ELP2: variants seen among roughly 807,000 people sequenced by gnomAD.
ELP2 encodes the protein elongator acetyltransferase complex subunit 2.
ELP2 carries 90 observed loss-of-function variants against 119.2 expected under a neutral mutation model. The observed-to-expected ratio is 0.75, with a 90% CI of 0.64 to 0.90. ELP2 has a LOEUF of 0.90. ELP2 is among the 40% of genes least tolerant of loss of function. The pLI, the probability that ELP2 is intolerant of heterozygous loss-of-function variation, is 0.00. For missense variants in ELP2, 921 were observed against 967.8 expected (o/e 0.95, Z 0.64); for synonymous variants, 339 against 331.0 (o/e 1.02, Z -0.26).
rs1598859245 is a variant in ELP2 at position 36,178,412 on chromosome 18, G to A, written c.*3771G>A. ...AACAAATACATTACAAGAGGAAAAG[G>A]GAAGGGAAGGGAAGCCTGGAGATTG... is the stretch of plus-strand genomic sequence containing the variant. On this transcript the variant is annotated 3_prime_UTR_variant, in exon 22 of 22. Coordinates refer to ENST00000358232, the MANE Select transcript of ELP2 (RefSeq NM_018255.4). 6.6e-6 allele frequency: 1 copy of A among 152,332 alleles called. No homozygotes were observed. The highest frequency in any genetic ancestry group is 1.9e-4 in the East Asian group (1 of 5,180). 9.4% of individuals were successfully genotyped at this position (152,332 alleles called of 1,614,324 possible). A position where few individuals can be genotyped will look rare whatever the true frequency, so the allele number is the denominator to read the frequency against.
At chr18:36,173,880 T>G (rs1445682797) in intron 21 of ELP2, among the ~76,000 whole-genome samples, 1 of 152,196 alleles carries the variant, frequency 6.6e-6, no homozygotes, top group Non-Finnish European at 1.5e-5. Context: ...TTGGTAACAC[T>G]CTGGGTCTGC....
chr18:36,138,955 G>T, intron 5 of ELP2, 83 bp downstream of exon 5: 1 of 1,039,626 alleles, frequency 9.6e-7, no homozygotes, highest in Admixed American at 1.7e-5. Flanking sequence ...AAATGTATTG[G>T]GTCTTAATTT....
intron 12 of ELP2, among the ~76,000 whole-genome samples, chr18:36,155,918 A>T (rs2090558608): frequency 6.6e-6 from 1 of 152,232 alleles, no homozygotes; most frequent in African/African-American, 2.4e-5. Flanking sequence ...TAAAAGATAG[A>T]TCCTGTTTTC....
In ELP2 at chr18:36,133,742, T is replaced by A. The variant is rs941638422; in HGVS notation, c.217+426T>A. 4.9e-3 allele frequency among the ~76,000 whole-genome samples: 740 copies of A among 151,008 alleles called. 10 individuals carry two copies. Among genetic ancestry groups the A allele is most frequent in the African/African-American group, 0.017 (680 of 41,200 alleles). The stretch of plus-strand genomic sequence containing the variant: ...CTTATTTATTTATTTATTTATTTTT[T>A]TTTTGCCAACTAGTTGGAGACTAGA... On this transcript the variant is annotated intron_variant, in intron 2 of 21. Coordinates refer to ENST00000358232, the MANE Select transcript of ELP2 (RefSeq NM_018255.4).
At chr18:36,173,587 G>C (rs1200957234) in intron 21 of ELP2, among the ~76,000 whole-genome samples, 2 of 152,182 alleles carry the variant, frequency 1.3e-5, no homozygotes, top group Non-Finnish European at 2.9e-5. Context: ...GTGACTATTT[G>C]TAAGGGCACG....
rs1195361892 is a variant in ELP2 at position 36,178,173 on chromosome 18, A to AT, written c.*3532_*3533insT. 3 of 152,256 alleles carry AT rather than the reference A, an allele frequency of 2.0e-5. No individual in the cohort carries two copies. Among genetic ancestry groups the AT allele is most frequent in the Non-Finnish European group, 4.4e-5 (3 of 68,086 alleles). 9.4% of individuals were successfully genotyped at this position (152,256 alleles called of 1,614,324 possible). A position where few individuals can be genotyped will look rare whatever the true frequency, so the allele number is the denominator to read the frequency against. ...TAGGATTAACAGGCAGGGAGACGGG[A>AT]GAGCCCAGCTCTGGGTACAGTTGGG... On this transcript the variant is annotated 3_prime_UTR_variant, in exon 22 of 22. Coordinates refer to ENST00000358232, the MANE Select transcript of ELP2 (RefSeq NM_018255.4).
chr18:36,156,325 G>T, intron 12 of ELP2, 141 bp from the exon 13 acceptor site: 1 of 816,480 alleles, frequency 1.2e-6, no homozygotes, highest in Non-Finnish European at 2.1e-6. Flanking sequence ...TACCAATACT[G>T]CCCAGTTGTG....
chr18:36,169,535 C>T (rs113564019), intron 19 of ELP2, among the ~76,000 whole-genome samples: 15,926 of 151,362 alleles, frequency 0.11, 1,104 homozygotes, highest in South Asian at 0.17. Context: ...TACAGGCACC[C>T]GCCACCACGC....
intron 14 of ELP2, 75 bp from the exon 15 acceptor site, chr18:36,159,660 G>A (rs1406890883): frequency 5.6e-6 from 6 of 1,072,938 alleles, no homozygotes; most frequent in Non-Finnish European, 8.6e-6. Flanking sequence ...TTTCTATGTG[G>A]TGGCCTTAAT....
At chr18:36,152,561 C>T (rs2090436418) in intron 11 of ELP2, among the ~76,000 whole-genome samples, 1 of 152,214 alleles carries the variant, frequency 6.6e-6, no homozygotes, top group Non-Finnish European at 1.5e-5. Flanking sequence ...GCATACAAAG[C>T]ATATTAGCTG....
At chr18:36,156,918 T>C (rs1318682429) in intron 13 of ELP2, among the ~76,000 whole-genome samples, 1 of 152,192 alleles carries the variant, frequency 6.6e-6, no homozygotes, top group African/African-American at 2.4e-5. Flanking sequence ...GTTTTATCAC[T>C]GTGTTAGGTA....
At chr18:36,152,496 G>A (rs1042036774) in intron 11 of ELP2, among the ~76,000 whole-genome samples, 1 of 152,190 alleles carries the variant, frequency 6.6e-6, no homozygotes, top group Admixed American at 6.5e-5. Flanking sequence ...CTGGGTAACA[G>A]GCATATTCAG....
intron 20 of ELP2, 40 bp from the exon 21 acceptor site, chr18:36,171,007 T>G: frequency 7.3e-7 from 1 of 1,365,896 alleles, no homozygotes; most frequent in South Asian, 1.2e-5. Context: ...AACAATTTCA[T>G]GCTAAGTTAA....
At chr18:36,137,803 CAAAA>C (rs57722627) in intron 3 of ELP2, among the ~76,000 whole-genome samples, 7,104 of 103,646 alleles carry the variant, frequency 0.069, 416 homozygotes, top group African/African-American at 0.19. Flanking sequence ...ATATTATCAC[CAAAA>C]AAAAAAAAAA....
At position 36,158,880 on chromosome 18, in the gene ELP2, T is replaced by A; in HGVS notation, c.1510T>A (p.Leu504Ile). Residue 504 changes from leucine to isoleucine, a missense_variant, in exon 14 of 22, where the codon TTA (leucine) becomes ATA (isoleucine). Leu to Ile is a conservative substitution (Grantham distance 5, BLOSUM62 2). Transcript: ENST00000358232. Reference protein sequence around the residue: ...PEGATVPALGLSNKAVFQGDI... With the variant: ...PEGATVPALGISNKAVFQGDI... ...AGGAGCCACTGTCCCTGCATTGGGA[T>A]TATCAAATAAAGCTGTCTTTCAGGG... The A allele has an allele frequency of 6.2e-7, 1 of 1,611,936 alleles. No individual in the cohort carries two copies. The highest frequency in any genetic ancestry group is 1.1e-5 in the South Asian group (1 of 91,028).
chr18:36,168,843 C>G (rs1159058597), intron 19 of ELP2, among the ~76,000 whole-genome samples: 4 of 151,630 alleles, frequency 2.6e-5, no homozygotes, highest in East Asian at 1.9e-4. Context: ...TTAGACAAAG[C>G]CTTCTGCTCA....
chr18:36,164,939 G>A, intron 18 of ELP2: 1 of 428,290 alleles, frequency 2.3e-6, no homozygotes, highest in Non-Finnish European at 4.3e-6. Context: ...ATAAACATCT[G>A]TATGTAGGAA....
chr18:36,170,918 G>C (rs1407493672), intron 20 of ELP2, 129 bp from the exon 21 acceptor site: 4 of 728,230 alleles, frequency 5.5e-6, no homozygotes, highest in Non-Finnish European at 5.0e-6. Context: ...CATGTCCTGG[G>C]CTGATGCCTG....
At chr18:36,164,814 A>G (rs1433315023) in intron 18 of ELP2, 147 bp downstream of exon 18, 3 of 751,348 alleles carry the variant, frequency 4.0e-6, no homozygotes, top group Non-Finnish European at 6.7e-6. Flanking sequence ...TGGATAACTG[A>G]GGAAGACTTG....
Sources: gnomAD v4.1 joint callset for allele counts (sites outside exome capture counted in the v4.1 genomes callset) on GRCh38, gnomAD v4.1.1 for gene constraint, MANE v1.5 for transcripts, NCBI Gene and HGNC (gene_info 2026-07-23, HGNC 2026-07-21) for gene names.